ZEB1: variants seen among roughly 807,000 people sequenced by gnomAD.
ZEB1 encodes zinc finger E-box-binding homeobox 1.
ZEB1 carries 21 observed loss-of-function variants against 84.9 expected under a neutral mutation model. That is an observed-to-expected ratio of 0.25 (90% CI 0.18 to 0.36). ZEB1 has a LOEUF of 0.36. Ranked by LOEUF, ZEB1 falls within the 10% of genes least tolerant of loss-of-function variation. ZEB1 has a pLI of 1.00. For synonymous variants in ZEB1, 420 were observed against 471.1 expected, an observed-to-expected ratio of 0.89 and a Z score of 1.41; for missense variants, 1,104 against 1,330.2, an observed-to-expected ratio of 0.83 and a Z score of 2.65.
chr10:31,491,407 G>T (rs970127867), intron 2 of ZEB1, among the ~76,000 whole-genome samples: 1 of 151,818 alleles, frequency 6.6e-6, no homozygotes, highest in Admixed American at 6.6e-5. Flanking sequence ...GGATGCAAGA[G>T]AATGAAGGAG....
intron 1 of ZEB1, among the ~76,000 whole-genome samples, chr10:31,426,419 T>C (rs760020697): frequency 2.6e-4 from 40 of 152,162 alleles, no homozygotes; most frequent in Non-Finnish European, 5.3e-4. Context: ...GACTCGTAGT[T>C]CCTTTTGGCC....
At chr10:31,483,012 C>G (rs940549439) in intron 2 of ZEB1, among the ~76,000 whole-genome samples, 2 of 151,946 alleles carry the variant, frequency 1.3e-5, no homozygotes, top group Non-Finnish European at 1.5e-5. Flanking sequence ...CAGACCTGGT[C>G]GCGATACCTT....
chr10:31,434,161 T>C (rs998583854), intron 1 of ZEB1, among the ~76,000 whole-genome samples: 6 of 152,238 alleles, frequency 3.9e-5, no homozygotes, highest in African/African-American at 1.4e-4. Context: ...GCATAAGTTA[T>C]TTTTGTTGTT....
intron 1 of ZEB1, among the ~76,000 whole-genome samples, chr10:31,450,204 A>T (rs1350598538): frequency 6.6e-6 from 1 of 152,226 alleles, no homozygotes; most frequent in African/African-American, 2.4e-5. Context: ...CAAAACCAAG[A>T]TATAGCTTTT....
intron 1 of ZEB1, among the ~76,000 whole-genome samples, chr10:31,429,866 C>A (rs181416189): frequency 4.0e-5 from 6 of 151,402 alleles, no homozygotes; most frequent in Non-Finnish European, 7.4e-5. Flanking sequence ...GCCTCAGCCT[C>A]CTGAGTAGCT....
At chr10:31,387,842 AT>A (rs945903920) in intron 1 of ZEB1, 7 of 855,218 alleles carry the variant, frequency 8.2e-6, no homozygotes, top group Non-Finnish European at 8.4e-6. Flanking sequence ...TAATTGAAAA[AT>A]ATTACTTAAA....
chr10:31,363,591 T>C (rs1187978157), intron 1 of ZEB1: 3 of 1,521,822 alleles, frequency 2.0e-6, no homozygotes, highest in Non-Finnish European at 2.6e-6. Context: ...TGGGCTCTTC[T>C]GCGCTCACCT....
intron 8 of ZEB1, 136 bp downstream of exon 8, chr10:31,524,249 C>T (rs887131018): frequency 1.0e-6 from 1 of 966,048 alleles, no homozygotes; most frequent in Non-Finnish European, 1.5e-6. Context: ...TGGCTCTAGT[C>T]ACCCAGGCTG....
intron 1 of ZEB1, among the ~76,000 whole-genome samples, chr10:31,391,413 T>C (rs2049699458): frequency 6.6e-6 from 1 of 152,046 alleles, no homozygotes; most frequent in Non-Finnish European, 1.5e-5. Flanking sequence ...AGGAAGGTAT[T>C]GGAGTTGGTG....
Position 31,461,147 on chromosome 10 carries a change from C to T in ZEB1, c.169C>T (p.Pro57Ser). Residue 57 changes from proline to serine, a missense_variant, in exon 2 of 9, where the codon CCA becomes TCA. This residue lies in a region of ZEB1 where 162 missense variants were observed against 184.5 expected (regional missense o/e 0.88). Transcript: ENST00000424869. ...VTDAADCEGV[P>S]EDDLPTDQTV... ...AGATGCAGCTGACTGTGAAGGTGTA[C>T]CAGAGGATGACCTGCCAACAGACCA... The T allele has an allele frequency of 6.2e-7, 1 of 1,613,406 alleles. No homozygotes were observed. Among genetic ancestry groups the T allele is most frequent in the Non-Finnish European group, 8.5e-7 (1 of 1,179,706 alleles).
rs2073685907 is a variant in ZEB1, at chr10:31,527,327, C to T, written c.*63C>T. On this transcript the variant is annotated 3_prime_UTR_variant, in exon 9 of 9. Coordinates refer to ENST00000424869, the MANE Select transcript of ZEB1 (RefSeq NM_001174096.2). ...TGAATTTCGTTCAATATTATCCTTGCTTTTCATGGAAACACAGTAACCTGT... is the reference window on the plus strand; with the variant it reads ...TGAATTTCGTTCAATATTATCCTTGTTTTTCATGGAAACACAGTAACCTGT... The T allele has an allele frequency of 1.3e-6, 2 of 1,540,874 alleles. No homozygotes were observed. Among genetic ancestry groups the T allele is most frequent in the Non-Finnish European group, 1.7e-6 (2 of 1,147,572 alleles).
intron 1 of ZEB1, among the ~76,000 whole-genome samples, chr10:31,411,638 C>CAGA (rs2054292435): frequency 1.0e-5 from 1 of 98,096 alleles, no homozygotes; most frequent in Admixed American, 1.2e-4. Context: ...GACTCCGTCT[C>CAGA]AAAAAAAAAA....
chr10:31,360,836 T>A, intron 1 of ZEB1: 1 of 766,478 alleles, frequency 1.3e-6, no homozygotes, highest in Non-Finnish European at 2.2e-6. Flanking sequence ...CACAGAGTTC[T>A]CAAGGCCATT....
chr10:31,477,976 CAAA>C lies in ZEB1; in HGVS notation c.259+16741_259+16743del, dbSNP rs553523524. On this transcript the variant is annotated intron_variant, in intron 2 of 8. Coordinates refer to ENST00000424869, the MANE Select transcript of ZEB1 (RefSeq NM_001174096.2). ...GGCAAAGAATTTATGACTAAGACCC[CAAA>C]AGAAAATAAAACAAGAACAAAAGTA... Among the ~76,000 whole-genome samples, 773 of 151,744 alleles carry C rather than the reference CAAA, an allele frequency of 5.1e-3. 2 individuals carry two copies. The highest frequency in any genetic ancestry group is 7.9e-3 in the Non-Finnish European group (536 of 67,820).
chr10:31,343,989 G>A (rs2039854918), intron 1 of ZEB1, among the ~76,000 whole-genome samples: 1 of 152,052 alleles, frequency 6.6e-6, no homozygotes, highest in Admixed American at 6.6e-5. Flanking sequence ...TGGGGAAGGG[G>A]TGACATTTCT....
At chr10:31,391,930 T>G (rs1053764611) in intron 1 of ZEB1, among the ~76,000 whole-genome samples, 1 of 152,214 alleles carries the variant, frequency 6.6e-6, no homozygotes, top group Non-Finnish European at 1.5e-5. Context: ...ACAACCACTG[T>G]GATCTAGTCT....
intron 1 of ZEB1, among the ~76,000 whole-genome samples, chr10:31,339,025 T>C (rs949663812): frequency 1.3e-5 from 2 of 152,208 alleles, no homozygotes; most frequent in African/African-American, 2.4e-5. Context: ...AAACTAGTAG[T>C]AGTAGTCTAA....
In ZEB1 at chr10:31,520,386, G is replaced by A. The variant is rs367672138; in HGVS notation, c.1054G>A (p.Val352Met). 6.2e-7 allele frequency: 1 copy of A among 1,613,918 alleles called. No homozygotes were observed. The highest frequency in any genetic ancestry group is 8.5e-7 in the Non-Finnish European group (1 of 1,179,942). The change falls in exon 7 of 9, where the codon GTG (valine) becomes ATG (methionine). Residue 352 changes from valine to methionine, a missense_variant. Transcript: ENST00000424869. This position sits in a 1 kb window ranked among gnomAD's most constrained non-coding sequence, Gnocchi z 5.1. ...LSVNQIKTEP[V>M]DYEFKPIVVA... ...TGTTAACCAAATTAAAACTGAACCT[G>A]TGGATTATGAATTCAAACCCATAGT...
At chr10:31,387,344 G>T in intron 1 of ZEB1, 1 of 982,278 alleles carries the variant, frequency 1.0e-6, no homozygotes, top group Non-Finnish European at 1.2e-6. Context: ...CTCCATTGAG[G>T]GTGTGAGACC....
Sources: gnomAD v4.1 joint callset for allele counts (sites outside exome capture counted in the v4.1 genomes callset) on GRCh38, gnomAD v4.1.1 for gene constraint, gnomAD v4.1.1 regional missense constraint, Gnocchi (gnomAD v3.1) non-coding constraint, MANE v1.5 for transcripts, NCBI Gene and HGNC (gene_info 2026-07-23, HGNC 2026-07-21) for gene names.